Variants in HNRNPH1 observed in about 807,000 individuals in gnomAD.
HNRNPH1 encodes the protein heterogeneous nuclear ribonucleoprotein H.
A neutral mutation model predicts 58.6 loss-of-function variants in HNRNPH1; 4 were observed. That is an observed-to-expected ratio of 0.07 (90% CI 0.03 to 0.16). HNRNPH1 has a LOEUF of 0.16. Ranked by LOEUF, HNRNPH1 falls within the 10% of genes least tolerant of loss-of-function variation. HNRNPH1 has a pLI of 1.00. For missense variants in HNRNPH1, 271 were observed against 564.2 expected (o/e 0.48, Z 5.26); for synonymous variants, 192 against 189.2 (o/e 1.01, Z -0.12).
chr5:179,631,261 G>C (rs1421731662), intron 2 of HNRNPH1, among the ~76,000 whole-genome samples: 3 of 151,866 alleles, frequency 2.0e-5, no homozygotes, highest in African/African-American at 7.3e-5. Flanking sequence ...TGGGAAACTA[G>C]GAAAAAAGAT....
chr5:179,629,007 A>T (rs1267223242), upstream of HNRNPH1: 1 of 151,346 alleles, frequency 6.6e-6, no homozygotes, highest in East Asian at 2.0e-4. Context: ...ATGCAATCAT[A>T]AATAACCCGG....
intron 4 of HNRNPH1, 28 bp from the exon 6 acceptor site, chr5:179,618,351 AG>A: frequency 6.6e-7 from 1 of 1,516,018 alleles, no homozygotes; most frequent in Non-Finnish European, 9.0e-7. Flanking sequence ...AGGAAGGGGT[AG>A]GGAGGGGAGA....
intron 8 of HNRNPH1, 45 bp downstream of exon 9, chr5:179,617,467 TCA>T: frequency 6.3e-7 from 1 of 1,584,088 alleles, no homozygotes; most frequent in Non-Finnish European, 8.6e-7. Context: ...TAAATGTTAG[TCA>T]CACAATCACC....
chr5:179,616,492 A>ATT, intron 10 of HNRNPH1: 1 of 529,788 alleles, frequency 1.9e-6, no homozygotes, highest in Non-Finnish European at 3.4e-6. Context: ...TGAAGATCTT[A>ATT]TGAAACTGCT....
At chr5:179,630,419 G>A (rs1211960133) in intron 2 of HNRNPH1, among the ~76,000 whole-genome samples, 1 of 152,142 alleles carries the variant, frequency 6.6e-6, no homozygotes, top group Non-Finnish European at 1.5e-5. Flanking sequence ...GGCTTGAGAA[G>A]TGTCCCTTTG....
At chr5:179,615,694 CTAAT>C (rs1396107889) in intron 11 of HNRNPH1, 99 bp from the exon 13 acceptor site, 1 of 626,106 alleles carries the variant, frequency 1.6e-6, no homozygotes, top group African/African-American at 1.9e-5. Flanking sequence ...GGTTAACTGA[CTAAT>C]AAATACGATC....
chr5:179,616,354 A>C (rs1432244360), intron 10 of HNRNPH1, 136 bp from the exon 12 acceptor site: 1 of 720,066 alleles, frequency 1.4e-6, no homozygotes, highest in African/African-American at 1.7e-5. Flanking sequence ...CCTTCTGCCT[A>C]CTGTCTATAA....
chr5:179,616,283 C>T (rs1769610163), intron 10 of HNRNPH1, 65 bp from the exon 12 acceptor site: 5 of 1,215,338 alleles, frequency 4.1e-6, no homozygotes, highest in Non-Finnish European at 6.1e-6. Context: ...TGGTACCGGG[C>T]TTGTAATTCT....
At chr5:179,615,500 T>A (rs562983715) in intron 12 of HNRNPH1, 46 bp downstream of exon 13, 2 of 1,000,336 alleles carry the variant, frequency 2.0e-6, no homozygotes, top group South Asian at 1.4e-5. Flanking sequence ...TTACAACATA[T>A]CAGTATTTGC....
chr5:179,619,916 A>G (rs1290576266), intron 3 of HNRNPH1: 1 of 152,338 alleles, frequency 6.6e-6, no homozygotes, highest in Non-Finnish European at 1.5e-5. Flanking sequence ...TGATCTACAC[A>G]GCACAATCAT....
intron 8 of HNRNPH1, 200 bp downstream of exon 9, chr5:179,617,314 C>T: frequency 2.7e-6 from 2 of 739,554 alleles, no homozygotes; most frequent in Non-Finnish European, 2.2e-6. Context: ...AGGATATACA[C>T]TTCAAGATGT....
chr5:179,632,829 A>C (rs1281186516), intron 2 of HNRNPH1, among the ~76,000 whole-genome samples: 1 of 110,554 alleles, frequency 9.0e-6, no homozygotes, highest in Non-Finnish European at 1.8e-5. Flanking sequence ...AGGTGGGATT[A>C]CAGCCCCACC....
At chr5:179,629,240 T>G (rs1409168447), upstream of HNRNPH1, 1 of 149,850 alleles carries the variant, frequency 6.7e-6, no homozygotes, top group Non-Finnish European at 1.5e-5. Flanking sequence ...GAGCTTGCAG[T>G]GAGCCGAGAT....
chr5:179,615,198 CAACATGAA>C, intron 12 of HNRNPH1: 2 of 441,054 alleles, frequency 4.5e-6, no homozygotes, highest in Non-Finnish European at 8.1e-6. Context: ...TCTTCAGGAT[CAACATGAA>C]AAATTAAGTT....
chr5:179,629,085 C>T (rs1486935464), upstream of HNRNPH1: 3 of 149,238 alleles, frequency 2.0e-5, no homozygotes, highest in Non-Finnish European at 4.5e-5. Flanking sequence ...ATCACAAGGT[C>T]AGCAGATCGA....
intron 10 of HNRNPH1, 116 bp from the exon 12 acceptor site, chr5:179,616,334 C>T (rs919509981): frequency 3.8e-5 from 31 of 821,954 alleles, no homozygotes; most frequent in Admixed American, 7.8e-5. Context: ...ATTACTGTAA[C>T]CCTCTGCCTC....
chr5:179,627,250 G>A (rs1396224143), upstream of HNRNPH1, among the ~76,000 whole-genome samples: 1 of 152,036 alleles, frequency 6.6e-6, no homozygotes, highest in East Asian at 1.9e-4. Flanking sequence ...TCCGTGCAGT[G>A]ACACAATCAT....
At chr5:179,618,510 G>C in intron 4 of HNRNPH1, 187 bp from the exon 6 acceptor site, 1 of 392,672 alleles carries the variant, frequency 2.5e-6, no homozygotes, top group Non-Finnish European at 4.5e-6. Context: ...GTAAGACAAT[G>C]TAAACTTTAT....
intron 12 of HNRNPH1, 117 bp downstream of exon 13, chr5:179,615,429 T>C: frequency 3.5e-6 from 2 of 566,482 alleles, no homozygotes; most frequent in East Asian, 3.0e-5. Context: ...CAACTCACTG[T>C]GCCCAAATGG....
Sources: gnomAD v4.1 joint callset for allele counts (sites outside exome capture counted in the v4.1 genomes callset) on GRCh38, gnomAD v4.1.1 for gene constraint, MANE v1.5 for transcripts, NCBI Gene and HGNC (gene_info 2026-07-23, HGNC 2026-07-21) for gene names.